The following NRP1 variants were observed in gnomAD, a reference collection of about 807,000 sequenced individuals.
NRP1 encodes neuropilin-1.
A neutral mutation model predicts 106.7 loss-of-function variants in NRP1; 35 were observed. The observed-to-expected ratio is 0.33, with a 90% CI of 0.25 to 0.43. The LOEUF is 0.43. Among genes scored for constraint, NRP1 ranks in the 20% least tolerant of loss-of-function variants. The pLI is 1.00. For missense variants in NRP1, 1,024 were observed against 1,170.4 expected, an observed-to-expected ratio of 0.87 and a Z score of 1.83; for synonymous variants, 437 against 417.9, an observed-to-expected ratio of 1.05 and a Z score of -0.56.
At chr10:33,228,267 G>T (rs568882480) in intron 6 of NRP1, among the ~76,000 whole-genome samples, 26 of 152,292 alleles carry the variant, frequency 1.7e-4, no homozygotes, top group African/African-American at 5.8e-4. Context: ...AACTACTCGG[G>T]AGGCTGAGGC....
chr10:33,240,069 C>T (rs763276238), intron 6 of NRP1, among the ~76,000 whole-genome samples: 2 of 152,110 alleles, frequency 1.3e-5, no homozygotes, highest in African/African-American at 2.4e-5. Flanking sequence ...GCAATCTGTG[C>T]GTTTCTTTGT....
chr10:33,202,570 G>C (rs755174023), intron 11 of NRP1: 42 of 1,411,180 alleles, frequency 3.0e-5, no homozygotes, highest in Admixed American at 2.9e-4. Context: ...GTGTTATTGG[G>C]GGGGGGTCTG....
intron 7 of NRP1, among the ~76,000 whole-genome samples, chr10:33,222,667 C>T (rs1296344314): frequency 6.6e-6 from 1 of 151,968 alleles, no homozygotes; most frequent in East Asian, 1.9e-4. Flanking sequence ...ATTACAGGTG[C>T]CCACAGCCAC....
chr10:33,270,975 G>A (rs934186966), intron 2 of NRP1, 119 bp from the exon 3 acceptor site: 6 of 771,468 alleles, frequency 7.8e-6, no homozygotes, highest in African/African-American at 7.1e-5. Context: ...AGTTCTATCT[G>A]CATTCATCAC....
intron 2 of NRP1, among the ~76,000 whole-genome samples, chr10:33,277,706 T>C (rs1843810975): frequency 6.6e-6 from 1 of 152,200 alleles, no homozygotes; most frequent in Admixed American, 6.5e-5. Flanking sequence ...AAATATAAAA[T>C]TGCATGCTAT....
chr10:33,301,144 G>A lies in NRP1; in HGVS notation c.248+29564C>T, dbSNP rs140873484. Among the ~76,000 whole-genome samples the A allele has an allele frequency of 5.9e-5, 9 of 152,248 alleles. No homozygotes were observed. The East Asian group carries it at 1.7e-3, about 29-fold the overall frequency. Reference sequence around the variant, plus strand: ...ATTATTCAAATAGGAGAGAGGCTCGGTGCTGTCCTCATTTGGGTTATGCCT... The same window carrying A: ...ATTATTCAAATAGGAGAGAGGCTCGATGCTGTCCTCATTTGGGTTATGCCT... On this transcript the variant is annotated intron_variant, in intron 2 of 16. Coordinates refer to ENST00000374867, the MANE Select transcript of NRP1 (RefSeq NM_003873.7).
At chr10:33,308,495 C>A (rs1846330798) in intron 2 of NRP1, among the ~76,000 whole-genome samples, 2 of 150,348 alleles carry the variant, frequency 1.3e-5, no homozygotes, top group Admixed American at 1.3e-4. Flanking sequence ...TCTCATTATT[C>A]TTTTTTTTTG....
intron 6 of NRP1, among the ~76,000 whole-genome samples, chr10:33,227,404 C>T (rs750681222): frequency 4.6e-5 from 7 of 151,894 alleles, no homozygotes; most frequent in Non-Finnish European, 1.0e-4. Context: ...GGGAGAGGGG[C>T]CATAGATTTA....
At chr10:33,314,236 G>A (rs1187124168) in intron 2 of NRP1, among the ~76,000 whole-genome samples, 1 of 152,100 alleles carries the variant, frequency 6.6e-6, no homozygotes, top group Non-Finnish European at 1.5e-5. Context: ...ACGGGCGCAT[G>A]GCACCATGCT....
At chr10:33,224,036 G>A (rs1839463201) in intron 7 of NRP1, among the ~76,000 whole-genome samples, 1 of 152,172 alleles carries the variant, frequency 6.6e-6, no homozygotes, top group Admixed American at 6.5e-5. Flanking sequence ...TGCACTCCTG[G>A]AGCAAAGTGG....
intron 2 of NRP1, among the ~76,000 whole-genome samples, chr10:33,293,129 A>G (rs1315191593): frequency 1.2e-4 from 18 of 152,240 alleles, no homozygotes; most frequent in Admixed American, 1.2e-3. Flanking sequence ...CATGAATACT[A>G]AAATAATAAA....
chr10:33,283,192 T>A (rs186789255), intron 2 of NRP1, among the ~76,000 whole-genome samples: 63 of 152,340 alleles, frequency 4.1e-4, no homozygotes, highest in African/African-American at 1.4e-3. Flanking sequence ...ATAATATTTA[T>A]GATGCTAGAA....
chr10:33,194,038 G>A (rs1183614349), intron 12 of NRP1, among the ~76,000 whole-genome samples: 1 of 152,170 alleles, frequency 6.6e-6, no homozygotes, highest in Non-Finnish European at 1.5e-5. Context: ...CACAGCTGTA[G>A]TGTCATCGGA....
intron 2 of NRP1, among the ~76,000 whole-genome samples, chr10:33,314,309 C>A (rs1263362833): frequency 1.3e-5 from 2 of 152,138 alleles, no homozygotes; most frequent in Admixed American, 1.3e-4. Flanking sequence ...AAACTCCTGG[C>A]CTCACGCCAT....
intron 8 of NRP1, among the ~76,000 whole-genome samples, chr10:33,217,468 T>G (rs2269100): frequency 0.28 from 42,590 of 151,978 alleles, 6,411 homozygotes; most frequent in East Asian, 0.62. Flanking sequence ...AAAATTACAT[T>G]AACAATTAAT....
At chr10:33,211,871 A>G (rs1303202103) in intron 9 of NRP1, 1 of 152,276 alleles carries the variant, frequency 6.6e-6, no homozygotes, top group Non-Finnish European at 1.5e-5. Flanking sequence ...GGCTAAGACC[A>G]AAAGGCCAAT....
chr10:33,209,473 C>CATTT (rs1423502826), intron 9 of NRP1, among the ~76,000 whole-genome samples: 2 of 152,152 alleles, frequency 1.3e-5, no homozygotes, highest in East Asian at 1.9e-4. Context: ...CCAGTCTCCT[C>CATTT]ATTTATTTAT....
At chr10:33,275,517 G>A (rs139612267) in intron 2 of NRP1, among the ~76,000 whole-genome samples, 1 of 151,960 alleles carries the variant, frequency 6.6e-6, no homozygotes, top group African/African-American at 2.4e-5. Flanking sequence ...GCAGTGAGCC[G>A]AGATGGCGCC....
intron 2 of NRP1, among the ~76,000 whole-genome samples, chr10:33,313,508 A>G (rs1345832753): frequency 1.3e-5 from 2 of 152,180 alleles, no homozygotes; most frequent in African/African-American, 4.8e-5. Context: ...CCAAAAATTA[A>G]AAGTTAAAAA....
Sources: allele counts gnomAD v4.1 joint callset (sites outside exome capture counted in the v4.1 genomes callset), GRCh38; gene constraint gnomAD v4.1.1; transcripts MANE v1.5; gene names NCBI Gene and HGNC (gene_info 2026-07-23, HGNC 2026-07-21).